Variants in USO1 observed in about 807,000 individuals in gnomAD.
The protein encoded by USO1 is general vesicular transport factor p115.
Under a neutral mutation model 124.5 loss-of-function variants are expected in USO1, and 57 were observed. The ratio of observed to expected loss-of-function variants is 0.46; its 90% CI spans 0.37 to 0.57. USO1 has a LOEUF of 0.57. Among genes scored for constraint, USO1 ranks in the 20% least tolerant of loss-of-function variants. The pLI, the probability that USO1 is intolerant of heterozygous loss-of-function variation, is 0.00. For synonymous variants in USO1, 369 were observed against 362.8 expected (o/e 1.02, Z -0.19); for missense variants, 900 against 1,040.6 (o/e 0.86, Z 1.86).
intron 1 of USO1, among the ~76,000 whole-genome samples, chr4:75,737,810 A>C (rs1172539011): frequency 2.0e-5 from 3 of 151,740 alleles, no homozygotes; most frequent in Non-Finnish European, 4.4e-5. Flanking sequence ...TATAGTAAAT[A>C]TAATACATTA....
chr4:75,768,707 G>C (rs188969), intron 4 of USO1, among the ~76,000 whole-genome samples: 155 of 152,284 alleles, frequency 1.0e-3, no homozygotes, highest in African/African-American at 3.6e-3. Context: ...GCCTCCTTCT[G>C]ATCTTAAAGA....
intron 3 of USO1, among the ~76,000 whole-genome samples, chr4:75,754,607 A>G (rs1335041645): frequency 6.6e-6 from 1 of 152,110 alleles, no homozygotes; most frequent in African/African-American, 2.4e-5. Context: ...GCCCCCTTCG[A>G]CCACTTTTAC....
intron 8 of USO1, among the ~76,000 whole-genome samples, chr4:75,781,495 A>AT (rs1277150782): frequency 1.3e-5 from 2 of 152,252 alleles, no homozygotes; most frequent in Admixed American, 1.3e-4. Flanking sequence ...GGTCATTAGC[A>AT]TTTTTTTAGC....
At chr4:75,750,950 G>A (rs974631698) in intron 1 of USO1, among the ~76,000 whole-genome samples, 13 of 151,940 alleles carry the variant, frequency 8.6e-5, no homozygotes, top group African/African-American at 2.9e-4. Flanking sequence ...TACTGAATCC[G>A]TAGTTTAAAT....
At chr4:75,758,915 A>G (rs1721518141) in intron 4 of USO1, among the ~76,000 whole-genome samples, 1 of 152,196 alleles carries the variant, frequency 6.6e-6, no homozygotes, top group Admixed American at 6.5e-5. Context: ...TATTTTCCCT[A>G]GTTATTTCTA....
chr4:75,754,631 C>T (rs1010177617), intron 3 of USO1, among the ~76,000 whole-genome samples: 15 of 152,200 alleles, frequency 9.9e-5, no homozygotes, highest in Non-Finnish European at 7.3e-5. Context: ...AAGTTCATCT[C>T]AGTCATGAGC....
At chr4:75,798,414 TAGTC>T (rs1270360125) in intron 13 of USO1, among the ~76,000 whole-genome samples, 2 of 152,332 alleles carry the variant, frequency 1.3e-5, no homozygotes, top group Non-Finnish European at 2.9e-5. Flanking sequence ...CTGTGGCACA[TAGTC>T]AGTTGGCAGT....
intron 1 of USO1, among the ~76,000 whole-genome samples, chr4:75,726,063 C>T (rs1362732046): frequency 6.6e-6 from 1 of 152,146 alleles, no homozygotes; most frequent in Non-Finnish European, 1.5e-5. Context: ...CGGCGGATCA[C>T]CTGAGGTCGG....
intron 1 of USO1, among the ~76,000 whole-genome samples, chr4:75,751,044 A>T (rs1056197651): frequency 6.6e-5 from 10 of 152,066 alleles, no homozygotes; most frequent in African/African-American, 2.4e-4. Context: ...GAATACCTAC[A>T]TGGCGTTCCA....
At chr4:75,761,467 TG>T (rs1357959978) in intron 4 of USO1, among the ~76,000 whole-genome samples, 1 of 152,208 alleles carries the variant, frequency 6.6e-6, no homozygotes, top group Non-Finnish European at 1.5e-5. Flanking sequence ...TATTTCAGTA[TG>T]TATACATATA....
intron 7 of USO1, among the ~76,000 whole-genome samples, chr4:75,771,715 C>T (rs182638278): frequency 3.3e-5 from 5 of 152,312 alleles, no homozygotes. Flanking sequence ...AATCATGGAG[C>T]ATGATTTGCT....
At chr4:75,748,915 A>G (rs1230979558) in intron 1 of USO1, among the ~76,000 whole-genome samples, 4 of 151,832 alleles carry the variant, frequency 2.6e-5, no homozygotes, top group African/African-American at 9.7e-5. Context: ...CATGTTTTTA[A>G]GAGATAACTA....
At chr4:75,806,079 C>T (rs1381053354) in intron 19 of USO1, among the ~76,000 whole-genome samples, 1 of 152,242 alleles carries the variant, frequency 6.6e-6, no homozygotes, top group Non-Finnish European at 1.5e-5. Context: ...GCAACCTCCA[C>T]CTCCCAGGTT....
At chr4:75,754,269 G>A (rs897299629) in intron 3 of USO1, among the ~76,000 whole-genome samples, 26 of 151,926 alleles carry the variant, frequency 1.7e-4, no homozygotes, top group African/African-American at 6.3e-4. Flanking sequence ...GTTTAATAGA[G>A]ATGGGGTTTC....
intron 20 of USO1, among the ~76,000 whole-genome samples, chr4:75,807,750 G>T (rs958958035): frequency 6.6e-6 from 1 of 152,068 alleles, no homozygotes; most frequent in Non-Finnish European, 1.5e-5. Flanking sequence ...GCCTTAGTTT[G>T]TAAATTCTAA....
At chr4:75,775,400 G>A (rs528156959) in intron 8 of USO1, among the ~76,000 whole-genome samples, 10 of 152,168 alleles carry the variant, frequency 6.6e-5, no homozygotes, top group Admixed American at 3.3e-4. Flanking sequence ...TTAGCTGGGC[G>A]TGGTGGTAAA....
intron 13 of USO1, among the ~76,000 whole-genome samples, chr4:75,794,258 T>C (rs1722617947): frequency 6.6e-6 from 1 of 152,226 alleles, no homozygotes; most frequent in Admixed American, 6.5e-5. Flanking sequence ...AAGTAGTTCA[T>C]AGCTGTGTAT....
At chr4:75,755,233 T>C (rs768872839) in intron 3 of USO1, among the ~76,000 whole-genome samples, 32 of 152,236 alleles carry the variant, frequency 2.1e-4, no homozygotes, top group Non-Finnish European at 3.1e-4. Flanking sequence ...GGTTAATAAG[T>C]ACAGCCTATA....
intron 8 of USO1, among the ~76,000 whole-genome samples, chr4:75,781,477 A>G (rs1263603310): frequency 6.6e-6 from 1 of 152,178 alleles, no homozygotes; most frequent in Admixed American, 6.5e-5. Flanking sequence ...CTCACTGAAG[A>G]CTCAGGTGGT....
Sources: gnomAD v4.1 joint callset for allele counts (sites outside exome capture counted in the v4.1 genomes callset) on GRCh38, gnomAD v4.1.1 for gene constraint, MANE v1.5 for transcripts, NCBI Gene and HGNC (gene_info 2026-07-23, HGNC 2026-07-21) for gene names.